Variants in JAZF1 observed in about 807,000 individuals in gnomAD.
JAZF1 encodes the protein JAZF zinc finger 1, also known as juxtaposed with another zinc finger protein 1.
In JAZF1, 8 loss-of-function variants were observed where a neutral mutation model predicts 26.4. The observed-to-expected ratio is 0.30, with a 90% confidence interval of 0.18 to 0.55. JAZF1 has a LOEUF of 0.55. Ranked by LOEUF, JAZF1 falls within the 20% of genes least tolerant of loss-of-function variation. The probability of loss-of-function intolerance (pLI) is 0.94; values close to 1 mark genes in which losing one functional copy is unlikely to be tolerated. For synonymous variants in JAZF1, 126 were observed against 122.3 expected (o/e 1.03, Z -0.20); for missense variants, 199 against 322.0 (o/e 0.62, Z 2.92).
At chr7:28,124,560 G>A (rs1782667233) in intron 1 of JAZF1, among the ~76,000 whole-genome samples, 1 of 152,206 alleles carries the variant, frequency 6.6e-6, no homozygotes, top group Admixed American at 6.5e-5. Context: ...AGAGGGGGCT[G>A]AGCCAGAACT....
At chr7:28,084,170 G>A (rs1217394348) in intron 1 of JAZF1, among the ~76,000 whole-genome samples, 1 of 152,144 alleles carries the variant, frequency 6.6e-6, no homozygotes, top group African/African-American at 2.4e-5. Flanking sequence ...AGGGTGGAAG[G>A]AAGAGAGGGA....
At chr7:28,042,829 T>C (rs1783417058) in intron 1 of JAZF1, among the ~76,000 whole-genome samples, 1 of 152,196 alleles carries the variant, frequency 6.6e-6, no homozygotes, top group Non-Finnish European at 1.5e-5. Context: ...GCATATAGCC[T>C]AGGTGTGTAG....
intron 1 of JAZF1, among the ~76,000 whole-genome samples, chr7:28,082,423 C>A (rs1044117483): frequency 6.6e-6 from 1 of 152,168 alleles, no homozygotes; most frequent in Non-Finnish European, 1.5e-5. Flanking sequence ...TTTTCTCTGT[C>A]CACCCTTGGT....
intron 3 of JAZF1, among the ~76,000 whole-genome samples, chr7:27,882,339 A>G (rs968713549): frequency 2.6e-5 from 4 of 152,320 alleles, no homozygotes; most frequent in African/African-American, 7.2e-5. Context: ...AACAAAAAAC[A>G]AAAACTTATT....
At chr7:27,948,004 C>G (rs1410194549) in intron 2 of JAZF1, among the ~76,000 whole-genome samples, 7 of 152,134 alleles carry the variant, frequency 4.6e-5, no homozygotes, top group Admixed American at 2.0e-4. Context: ...GCAGAGGCTG[C>G]CAAGGATGTC....
In JAZF1 at chr7:27,832,572, C is replaced by T; in HGVS notation, c.*228G>A. On this transcript the variant is annotated 3_prime_UTR_variant, in exon 5 of 5. Coordinates refer to ENST00000283928, the MANE Select transcript of JAZF1 (RefSeq NM_175061.4). Reference sequence around the variant, plus strand: ...AGAACCTAGAGCTTTTTTTGTTTAGCACCTTATATCAAAGTAATGAAAATG... The same window carrying T: ...AGAACCTAGAGCTTTTTTTGTTTAGTACCTTATATCAAAGTAATGAAAATG... The T allele has an allele frequency of 3.0e-6, 1 of 333,398 alleles. No individual in the cohort carries two copies. Among genetic ancestry groups the T allele is most frequent in the Non-Finnish European group, 5.4e-6 (1 of 183,548 alleles). 20.7% of individuals were successfully genotyped at this position (333,398 alleles called of 1,614,324 possible).
At chr7:28,057,429 C>A (rs963408243) in intron 1 of JAZF1, among the ~76,000 whole-genome samples, 1 of 152,092 alleles carries the variant, frequency 6.6e-6, no homozygotes, top group Non-Finnish European at 1.5e-5. Context: ...AATATTGTGC[C>A]GAGTACTCTG....
At chr7:27,886,294 T>C (rs1301371821) in intron 3 of JAZF1, among the ~76,000 whole-genome samples, 1 of 152,192 alleles carries the variant, frequency 6.6e-6, no homozygotes, top group East Asian at 1.9e-4. Context: ...CGAGACCCCT[T>C]TGGTGTCAAG....
chr7:28,088,666 G>A lies in JAZF1; in HGVS notation c.115+91797C>T, dbSNP rs993571668. ...CCTAATATCTCCCAAAGAAAAGGGGGCCTGTCTCCATTCCCAAGGACTGGT... is the reference window on the plus strand; with the variant it reads ...CCTAATATCTCCCAAAGAAAAGGGGACCTGTCTCCATTCCCAAGGACTGGT... On this transcript the variant is annotated intron_variant, in intron 1 of 4. Coordinates refer to ENST00000283928, the MANE Select transcript of JAZF1 (RefSeq NM_175061.4). Among the ~76,000 whole-genome samples the A allele has an allele frequency of 2.6e-5, 4 of 152,144 alleles. No homozygotes were observed. The East Asian group carries it at 5.8e-4, about 22-fold the overall frequency.
At chr7:27,907,903 C>A (rs189239462) in intron 2 of JAZF1, among the ~76,000 whole-genome samples, 2 of 152,276 alleles carry the variant, frequency 1.3e-5, no homozygotes, top group African/African-American at 4.8e-5. Context: ...CAGCACTGTG[C>A]CCTAGGTAGT....
intron 2 of JAZF1, among the ~76,000 whole-genome samples, chr7:27,976,717 G>A (rs1448900421): frequency 4.0e-5 from 6 of 151,104 alleles, no homozygotes; most frequent in Non-Finnish European, 4.4e-5. Context: ...AAAAGTCATC[G>A]CTTTTAGATT....
chr7:28,108,052 G>GT (rs1784583012), intron 1 of JAZF1, among the ~76,000 whole-genome samples: 1 of 152,216 alleles, frequency 6.6e-6, no homozygotes, highest in Admixed American at 6.5e-5. Context: ...GTGGGATGCA[G>GT]TAACTCTCTT....
chr7:28,071,850 T>C (rs1331052466), intron 1 of JAZF1, among the ~76,000 whole-genome samples: 1 of 152,214 alleles, frequency 6.6e-6, no homozygotes, highest in East Asian at 1.9e-4. Context: ...TTCAAGCGAT[T>C]CCATGTTTAA....
intron 1 of JAZF1, among the ~76,000 whole-genome samples, chr7:28,080,625 C>G (rs1784120038): frequency 6.6e-6 from 1 of 152,078 alleles, no homozygotes; most frequent in African/African-American, 2.4e-5. Context: ...ATTAATTGGC[C>G]TAATTTCAAC....
intron 2 of JAZF1, among the ~76,000 whole-genome samples, chr7:27,924,185 T>C (rs1413117643): frequency 6.6e-6 from 1 of 152,142 alleles, no homozygotes; most frequent in East Asian, 1.9e-4. Context: ...TTCAAGCAAT[T>C]CTCTGCTTCA....
Position 28,037,391 on chromosome 7 carries a change from A to G in JAZF1, c.116-45410T>C, listed in dbSNP as rs542595376. 2.6e-5 allele frequency among the ~76,000 whole-genome samples: 4 copies of G among 152,266 alleles called. No individual in the cohort carries two copies. The South Asian group carries it at 8.3e-4, about 32-fold the overall frequency. ...TGATTCATCTGTGTAGTATTATAAG[A>G]GTTTAGCAGGCCCCATTTTAACCTT... On this transcript the variant is annotated intron_variant, in intron 1 of 4. Transcript: ENST00000283928.
At chr7:27,914,389 C>T (rs375581212) in intron 2 of JAZF1, among the ~76,000 whole-genome samples, 1 of 152,112 alleles carries the variant, frequency 6.6e-6, no homozygotes. Context: ...TTATGCACAG[C>T]GTGAGGCCCG....
intron 1 of JAZF1, among the ~76,000 whole-genome samples, chr7:28,009,532 G>A (rs1026461420): frequency 2.1e-5 from 3 of 143,392 alleles, no homozygotes; most frequent in Non-Finnish European, 1.5e-5. Context: ...CGCCCAGGCT[G>A]GAGTGCAGTG....
chr7:28,080,931 TA>T (rs541202198), intron 1 of JAZF1, among the ~76,000 whole-genome samples: 6 of 139,846 alleles, frequency 4.3e-5, no homozygotes, highest in Non-Finnish European at 7.8e-5. Flanking sequence ...CTACAATTTG[TA>T]AAAAAAAACA....
Sources: allele counts gnomAD v4.1 joint callset (sites outside exome capture counted in the v4.1 genomes callset), GRCh38; gene constraint gnomAD v4.1.1; transcripts MANE v1.5; gene names NCBI Gene and HGNC (gene_info 2026-07-23, HGNC 2026-07-21).